ANAPC16: variants seen among roughly 807,000 people sequenced by gnomAD.
The protein encoded by ANAPC16 is anaphase promoting complex subunit 16.
ANAPC16 carries 6 observed loss-of-function variants against 13.1 expected under a neutral mutation model. That is an observed-to-expected ratio of 0.46 (90% CI 0.25 to 0.90). ANAPC16 has a LOEUF of 0.90. Ranked by LOEUF, ANAPC16 falls within the 40% of genes least tolerant of loss-of-function variation. The pLI, the probability that ANAPC16 is intolerant of heterozygous loss-of-function variation, is 0.18. For missense variants in ANAPC16, 113 were observed against 131.1 expected (o/e 0.86, Z 0.67); for synonymous variants, 55 against 51.3 (o/e 1.07, Z -0.31).
At chr10:72,226,409 C>T (rs1228770674) in intron 2 of ANAPC16, among the ~76,000 whole-genome samples, 2 of 152,060 alleles carry the variant, frequency 1.3e-5, no homozygotes, top group Non-Finnish European at 2.9e-5. Context: ...CATAGTGACT[C>T]ACACCTGTAA....
intron 1 of ANAPC16, among the ~76,000 whole-genome samples, chr10:72,217,346 G>A (rs1859532564): frequency 6.6e-6 from 1 of 151,938 alleles, no homozygotes; most frequent in Non-Finnish European, 1.5e-5. Context: ...GTGGTGGCGG[G>A]CGCCTGTAGT....
In ANAPC16 at chr10:72,218,161, AAAAAATATAT is replaced by A. The variant is rs1300489723; in HGVS notation, c.-28+2025_-28+2034del. 1.7e-4 allele frequency among the ~76,000 whole-genome samples: 7 copies of A among 40,364 alleles called. No individual in the cohort carries two copies. In the East Asian group the frequency reaches 2.3e-3, roughly 13 times the overall value. The allele number at this position is 40,364 out of a possible 152,430, so 26.5% of individuals were successfully genotyped here. A position where few individuals can be genotyped will look rare whatever the true frequency, so the allele number is the denominator to read the frequency against. ...ACTCTGTCTCAAAAAAAAAAAAAAA[AAAAAATATAT>A]ATATATATATATATATATATATATA... On this transcript the variant is annotated intron_variant, in intron 1 of 3. Transcript: ENST00000299381.
intron 1 of ANAPC16, among the ~76,000 whole-genome samples, chr10:72,218,110 A>G (rs1162151936): frequency 7.2e-6 from 1 of 138,046 alleles, no homozygotes; most frequent in African/African-American, 2.8e-5. Context: ...GTGCCATTGC[A>G]CTCTAGCCTG....
chr10:72,231,205 A>G (rs1783107985), intron 3 of ANAPC16, among the ~76,000 whole-genome samples: 1 of 152,112 alleles, frequency 6.6e-6, no homozygotes, highest in Non-Finnish European at 1.5e-5. Context: ...TAGTCCACAA[A>G]TCACTATGGC....
chr10:72,216,969 C>T, intron 1 of ANAPC16: 1 of 456,018 alleles, frequency 2.2e-6, no homozygotes, highest in Non-Finnish European at 4.4e-6. Flanking sequence ...CCATAATGAT[C>T]CAATACTCAT....
chr10:72,229,852 A>G (rs1335275812), intron 2 of ANAPC16, among the ~76,000 whole-genome samples: 1 of 152,240 alleles, frequency 6.6e-6, no homozygotes, highest in Non-Finnish European at 1.5e-5. Flanking sequence ...GTTTGCGTTC[A>G]CAGAATGAAA....
chr10:72,216,748 C>T (rs1859419035), intron 1 of ANAPC16: 1 of 449,596 alleles, frequency 2.2e-6, no homozygotes, highest in Non-Finnish European at 4.5e-6. Flanking sequence ...CATCTTAGCT[C>T]GGACACAGCA....
chr10:72,232,989 G>T lies in ANAPC16; in HGVS notation c.218-12G>T. On this transcript the variant is annotated splice_polypyrimidine_tract_variant and intron_variant, in intron 3 of 3. Transcript: ENST00000299381. ...CGTTGTTGCATAATATTCTTTCCTT[G>T]ACTCCTTACAGATCAGCAAGTTGCT... The T allele has an allele frequency of 6.2e-7, 1 of 1,609,628 alleles. No individual in the cohort carries two copies. Among genetic ancestry groups the T allele is most frequent in the Non-Finnish European group, 8.5e-7 (1 of 1,176,134 alleles).
intron 1 of ANAPC16, among the ~76,000 whole-genome samples, chr10:72,221,881 C>T (rs1859949733): frequency 6.6e-6 from 1 of 151,372 alleles, no homozygotes; most frequent in African/African-American, 2.4e-5. Flanking sequence ...AGGCACGCAC[C>T]ACCATGCCCA....
chr10:72,235,446 G>A lies in ANAPC16; in HGVS notation c.*2330G>A, dbSNP rs991360164. On this transcript the variant is annotated 3_prime_UTR_variant, in exon 4 of 4. Coordinates refer to ENST00000299381, the MANE Select transcript of ANAPC16 (RefSeq NM_173473.4). ...CAGCCTGAGCAACAAGAGCGAAACT[G>A]TCTCAAAAAAAAGAAGAAAATAAAT... The A allele has an allele frequency of 6.6e-6, 1 of 152,012 alleles. No individual in the cohort carries two copies. The highest frequency in any genetic ancestry group is 1.5e-5 in the Non-Finnish European group (1 of 68,008). The allele number at this position is 152,012 out of a possible 1,614,324, so 9.4% of individuals were successfully genotyped here.
chr10:72,225,052 G>A (rs1357882893), intron 2 of ANAPC16, among the ~76,000 whole-genome samples: 4 of 152,148 alleles, frequency 2.6e-5, no homozygotes, highest in Admixed American at 6.5e-5. Context: ...GGGAGGCCAA[G>A]GCGGGTGGAT....
At chr10:72,227,150 A>C (rs893251991) in intron 2 of ANAPC16, among the ~76,000 whole-genome samples, 1 of 152,228 alleles carries the variant, frequency 6.6e-6, no homozygotes, top group Non-Finnish European at 1.5e-5. Flanking sequence ...TGGAGCTCTA[A>C]GATTAAAGTC....
chr10:72,230,527 C>T, intron 3 of ANAPC16, 87 bp downstream of exon 3: 1 of 1,136,956 alleles, frequency 8.8e-7, no homozygotes, highest in Admixed American at 1.8e-5. Flanking sequence ...CCAAACTCAG[C>T]AAGGCTATTT....
intron 1 of ANAPC16, among the ~76,000 whole-genome samples, chr10:72,218,313 C>T (rs999372063): frequency 1.3e-5 from 2 of 149,852 alleles, no homozygotes; most frequent in African/African-American, 2.5e-5. Context: ...CTTAGCGTTC[C>T]AGTAATGGAA....
intron 1 of ANAPC16, among the ~76,000 whole-genome samples, chr10:72,221,973 C>G (rs1214577262): frequency 6.6e-6 from 1 of 150,646 alleles, no homozygotes; most frequent in Non-Finnish European, 1.5e-5. Flanking sequence ...CGTGATCCAC[C>G]CGCCTCGGCC....
rs569600058 is a variant in ANAPC16, at chr10:72,223,673, A to C, written c.-27-215A>C. 316 of 357,478 alleles carry C rather than the reference A, an allele frequency of 8.8e-4. 4 individuals carry two copies. The highest frequency in any genetic ancestry group is 6.1e-3 in the African/African-American group (291 of 47,952). 22.1% of individuals were successfully genotyped at this position (357,478 alleles called of 1,614,324 possible). A position where few individuals can be genotyped will look rare whatever the true frequency, so the allele number is the denominator to read the frequency against. ...CGCTAATGGTAGGAATTCATGTTTTAAGTAGATATACTATTCTTAAGCATA... is the reference window on the plus strand; with the variant it reads ...CGCTAATGGTAGGAATTCATGTTTTCAGTAGATATACTATTCTTAAGCATA... On this transcript the variant is annotated intron_variant, in intron 1 of 3. Transcript: ENST00000299381.
At chr10:72,227,966 G>A (rs536022897) in intron 2 of ANAPC16, among the ~76,000 whole-genome samples, 30 of 151,460 alleles carry the variant, frequency 2.0e-4, no homozygotes, top group African/African-American at 6.3e-4. Context: ...AGGAGGCGGA[G>A]GTTGCAGTGA....
At chr10:72,228,834 A>G (rs541321819) in intron 2 of ANAPC16, among the ~76,000 whole-genome samples, 167 of 152,344 alleles carry the variant, frequency 1.1e-3, no homozygotes, top group African/African-American at 3.8e-3. Flanking sequence ...GTTCATTACC[A>G]AGGAAAATAT....
intron 2 of ANAPC16, among the ~76,000 whole-genome samples, 173 bp downstream of exon 2, chr10:72,224,229 G>T (rs1860044132): frequency 6.6e-6 from 1 of 152,106 alleles, no homozygotes; most frequent in Non-Finnish European, 1.5e-5. Flanking sequence ...TCCAGAATCA[G>T]AATTTTGGAG....
Sources: allele counts gnomAD v4.1 joint callset (sites outside exome capture counted in the v4.1 genomes callset), GRCh38; gene constraint gnomAD v4.1.1; transcripts MANE v1.5; gene names NCBI Gene and HGNC (gene_info 2026-07-23, HGNC 2026-07-21).